The following PNPLA7 variants were observed in gnomAD, a reference collection of about 807,000 sequenced individuals.
PNPLA7 encodes patatin-like phospholipase domain-containing protein 7.
A neutral mutation model predicts 161.7 loss-of-function variants in PNPLA7; 153 were observed. That is an observed-to-expected ratio of 0.95 (90% CI 0.83 to 1.08). The LOEUF is 1.08. Ranked by LOEUF, PNPLA7 falls within the 50% of genes least tolerant of loss-of-function variation. The pLI, the probability that PNPLA7 is intolerant of heterozygous loss-of-function variation, is 0.00. For synonymous variants in PNPLA7, 809 were observed against 782.1 expected (o/e 1.03, Z -0.57); for missense variants, 1,739 against 1,856.6 (o/e 0.94, Z 1.16).
chr9:137,534,442 G>A (rs1314625711), intron 8 of PNPLA7, among the ~76,000 whole-genome samples: 2 of 151,760 alleles, frequency 1.3e-5, no homozygotes, highest in Non-Finnish European at 2.9e-5. Flanking sequence ...ACTCAGACAG[G>A]AGCACTCCCA....
intron 30 of PNPLA7, 33 bp from the exon 31 acceptor site, chr9:137,462,364 C>T: frequency 1.9e-6 from 3 of 1,571,038 alleles, no homozygotes; most frequent in Non-Finnish European, 2.6e-6. Flanking sequence ...AGTCTCCTGC[C>T]CCGGCCCCTA....
At chr9:137,483,918 A>G (rs1037219141) in intron 21 of PNPLA7, among the ~76,000 whole-genome samples, 1 of 152,142 alleles carries the variant, frequency 6.6e-6, no homozygotes, top group African/African-American at 2.4e-5. Context: ...TAATAATTAT[A>G]CAACATTCAT....
Position 137,478,046 on chromosome 9 carries a change from C to G in PNPLA7, c.2870G>C (p.Gly957Ala). ...TGNAIALVLG[G>A]GGARGCAQVG... Reference sequence around the variant, plus strand: ...CGGGGGGACTCACCTTGCTCCCCCTCCCCCAAGCACCAGGGCAATGGCGTT... The same window carrying G: ...CGGGGGGACTCACCTTGCTCCCCCTGCCCCAAGCACCAGGGCAATGGCGTT... Residue 957 changes from glycine (G) to alanine (A), a missense_variant, in exon 25 of 35, where the codon GGA (glycine) becomes GCA (alanine). This residue lies in a region of PNPLA7 where 703 missense variants were observed against 694.6 expected (regional missense o/e 1.01). Coordinates refer to ENST00000406427, the MANE Select transcript of PNPLA7 (RefSeq NM_001098537.3). The G allele has an allele frequency of 7.0e-7, 1 of 1,431,268 alleles. No individual in the cohort carries two copies. The highest frequency in any genetic ancestry group is 9.2e-7 in the Non-Finnish European group (1 of 1,088,998). The allele number at this position is 1,431,268 out of a possible 1,614,324, so 88.7% of individuals were successfully genotyped here.
At chr9:137,549,295 C>G (rs149226752) in intron 1 of PNPLA7, among the ~76,000 whole-genome samples, 92 of 152,032 alleles carry the variant, frequency 6.1e-4, no homozygotes, top group African/African-American at 2.2e-3. Context: ...AGGCCGGGCA[C>G]GGTGGCTCAT....
intron 12 of PNPLA7, among the ~76,000 whole-genome samples, chr9:137,513,867 TACG>T (rs1306634467): frequency 1.3e-5 from 2 of 152,232 alleles, no homozygotes; most frequent in African/African-American, 4.8e-5. Flanking sequence ...GGGCAGAGAA[TACG>T]ACCAGACAAT....
At position 137,460,397 on chromosome 9, in the gene PNPLA7, C is replaced by T. The variant is rs1401778086; in HGVS notation, c.4025G>A (p.Gly1342Glu). The T allele has an allele frequency of 7.4e-6, 12 of 1,612,406 alleles. No individual in the cohort carries two copies. Among genetic ancestry groups the T allele is most frequent in the Non-Finnish European group, 1.0e-5 (12 of 1,179,776 alleles). Residue 1342 changes from glycine (G) to glutamate (E), a missense_variant, in exon 35 of 35, where the codon GGG (glycine) becomes GAG (glutamate). Gly to Glu is a moderately conservative substitution (Grantham distance 98). Around this residue, in one of 6 missense-constraint regions of PNPLA7, gnomAD observed 703 missense variants for 694.6 expected, o/e 1.01. Coordinates refer to ENST00000406427, the MANE Select transcript of PNPLA7 (RefSeq NM_001098537.3). ...KLSEGSSDQD[G>E] ...CGGGCTCTTTAGCAGAGGCCTCTAC[C>T]CGTCCTGGTCAGAGGAGCCCTCAGA...
rs1371437387 is a variant in PNPLA7, at chr9:137,541,974, G to T, written c.666+668C>A. Among the ~76,000 whole-genome samples the T allele has an allele frequency of 3.9e-5, 6 of 152,108 alleles. No homozygotes were observed. The highest frequency in any genetic ancestry group is 8.8e-5 in the Non-Finnish European group (6 of 68,018). ...ATTTTTTATTTTTTGTAGAGACGGG[G>T]TCTCACTACTTCGTCCAAGCTGGTC... On this transcript the variant is annotated intron_variant, in intron 7 of 34. Transcript: ENST00000406427. The surrounding 1 kb of genome is among the most constrained non-coding windows in gnomAD (Gnocchi z 4.4).
At chr9:137,509,812 G>A (rs1341318636) in intron 12 of PNPLA7, 11 of 442,636 alleles carry the variant, frequency 2.5e-5, no homozygotes, top group Admixed American at 1.7e-4. Context: ...CAGAGGACAC[G>A]AGCTGTTCCA....
intron 34 of PNPLA7, 64 bp downstream of exon 34, chr9:137,460,570 G>C: frequency 3.1e-6 from 5 of 1,592,678 alleles, no homozygotes; most frequent in Non-Finnish European, 4.3e-6. Flanking sequence ...GGGAGTGGCC[G>C]GCACAGGGCC....
At chr9:137,491,512 CGT>C in intron 20 of PNPLA7, 2 of 983,126 alleles carry the variant, frequency 2.0e-6, no homozygotes, top group Non-Finnish European at 2.4e-6. Flanking sequence ...CATTACGTTA[CGT>C]GTTAGACAGT....
intron 12 of PNPLA7, among the ~76,000 whole-genome samples, chr9:137,510,580 G>A (rs573303142): frequency 5.3e-5 from 8 of 152,186 alleles, no homozygotes; most frequent in Non-Finnish European, 1.2e-4. Flanking sequence ...TGCCCCTTCT[G>A]CCTTGTATCC....
At chr9:137,475,693 A>G (rs12005006) in intron 25 of PNPLA7, among the ~76,000 whole-genome samples, 3 of 148,472 alleles carry the variant, frequency 2.0e-5, no homozygotes, top group Non-Finnish European at 4.5e-5. Flanking sequence ...TTTTTTTTTT[A>G]AAAAAAAAGA....
At chr9:137,478,005 A>C (rs1832021741) in intron 25 of PNPLA7, 29 bp downstream of exon 25, 2 of 1,372,852 alleles carry the variant, frequency 1.5e-6, no homozygotes, top group Non-Finnish European at 1.9e-6. Flanking sequence ...CACACCAGTG[A>C]GGAGTGTGTA....
chr9:137,550,323 G>C lies in PNPLA7; in HGVS notation c.-126C>G. The C allele has an allele frequency of 9.6e-7, 1 of 1,039,512 alleles. No homozygotes were observed. Among genetic ancestry groups the C allele is most frequent in the Non-Finnish European group, 1.5e-6 (1 of 672,458 alleles). The allele number at this position is 1,039,512 out of a possible 1,614,324, so 64.4% of individuals were successfully genotyped here. ...CTGGGTTCCTTTCAAGTCAAATTAT[G>C]TTTCACTGAAAGGAAAATCCTGCTG... is the stretch of plus-strand genomic sequence containing the variant. On this transcript the variant is annotated 5_prime_UTR_variant, in exon 1 of 35. Coordinates refer to ENST00000406427, the MANE Select transcript of PNPLA7 (RefSeq NM_001098537.3).
intron 22 of PNPLA7, 33 bp from the exon 23 acceptor site, chr9:137,480,513 C>T (rs763976164): frequency 1.6e-5 from 25 of 1,578,942 alleles, no homozygotes; most frequent in Admixed American, 3.6e-5. Context: ...CTCACTACTC[C>T]GCAGGGGCCT....
intron 32 of PNPLA7, 39 bp from the exon 33 acceptor site, chr9:137,461,659 C>G: frequency 6.5e-7 from 1 of 1,540,160 alleles, no homozygotes; most frequent in Non-Finnish European, 8.9e-7. Flanking sequence ...CCTGTGGACA[C>G]CCGCCTGCCA....
chr9:137,519,364 C>T (rs553068123), intron 11 of PNPLA7, among the ~76,000 whole-genome samples: 64 of 152,266 alleles, frequency 4.2e-4, no homozygotes, highest in African/African-American at 1.5e-3. Flanking sequence ...GAGCCCATCG[C>T]GGGAGGCCCA....
chr9:137,494,988 T>C, intron 19 of PNPLA7, 45 bp downstream of exon 19: 1 of 1,537,866 alleles, frequency 6.5e-7, no homozygotes. Context: ...CCTCATCCAC[T>C]CCACACCCTC....
At chr9:137,491,470 C>T (rs1411197914) in intron 20 of PNPLA7, 11 of 985,046 alleles carry the variant, frequency 1.1e-5, no homozygotes, top group Non-Finnish European at 1.3e-5. Flanking sequence ...CTTCAAAACT[C>T]ACGGTGCCGG....
Sources: allele counts gnomAD v4.1 joint callset (sites outside exome capture counted in the v4.1 genomes callset), GRCh38; gene constraint gnomAD v4.1.1; regional missense constraint gnomAD v4.1.1; non-coding constraint Gnocchi (gnomAD v3.1); transcripts MANE v1.5; gene names NCBI Gene and HGNC (gene_info 2026-07-23, HGNC 2026-07-21).